Variants in MEGF11 observed in about 807,000 individuals in gnomAD.
MEGF11 encodes the protein multiple epidermal growth factor-like domains protein 11.
Under a neutral mutation model 146.6 loss-of-function variants are expected in MEGF11, and 126 were observed. That is an observed-to-expected ratio of 0.86 (90% CI 0.74 to 1.00). The LOEUF is 1.00. Among genes scored for constraint, MEGF11 ranks in the 50% least tolerant of loss-of-function variants. The pLI is 0.00. For synonymous variants in MEGF11, 532 were observed against 583.4 expected (o/e 0.91, Z 1.27); for missense variants, 1,509 against 1,521.2 (o/e 0.99, Z 0.13).
At chr15:65,926,993 CT>C (rs2079393467) in intron 13 of MEGF11, among the ~76,000 whole-genome samples, 1 of 152,182 alleles carries the variant, frequency 6.6e-6, no homozygotes, top group African/African-American at 2.4e-5. Context: ...TGCTTAGAAA[CT>C]TTCTGGTTAT....
At chr15:66,171,321 G>A (rs1188826056) in intron 1 of MEGF11, among the ~76,000 whole-genome samples, 1 of 152,228 alleles carries the variant, frequency 6.6e-6, no homozygotes, top group East Asian at 1.9e-4. Flanking sequence ...GGGACTGGGA[G>A]GAGAGCTAGG....
At chr15:65,908,142 G>T (rs1355241041) in intron 23 of MEGF11, among the ~76,000 whole-genome samples, 1 of 152,156 alleles carries the variant, frequency 6.6e-6, no homozygotes, top group East Asian at 1.9e-4. Context: ...ATAGGCCCAG[G>T]GTCCATGCAG....
In MEGF11 at chr15:65,942,044, C is replaced by A. The variant is rs558440095; in HGVS notation, c.1288-11101G>T. 3.3e-5 allele frequency among the ~76,000 whole-genome samples: 5 copies of A among 152,206 alleles called. No homozygotes were observed. In the South Asian group the frequency reaches 8.3e-4, roughly 25 times the overall value. On this transcript the variant is annotated intron_variant, in intron 10 of 25. Coordinates refer to ENST00000395614, the MANE Select transcript of MEGF11 (RefSeq NM_001385028.1). ...ATAACAGCCCTGCAGGGAGAGAATT[C>A]CCTTCCTAGAGAGAGAACTATCCTA... is the stretch of plus-strand genomic sequence containing the variant.
At chr15:65,973,327 A>G (rs944858165) in intron 7 of MEGF11, among the ~76,000 whole-genome samples, 2 of 152,222 alleles carry the variant, frequency 1.3e-5, no homozygotes, top group Non-Finnish European at 2.9e-5. Flanking sequence ...TTGCCTCAAA[A>G]ACAAAACAAA....
At chr15:66,118,447 G>A (rs2087843104) in intron 4 of MEGF11, among the ~76,000 whole-genome samples, 1 of 152,158 alleles carries the variant, frequency 6.6e-6, no homozygotes, top group Non-Finnish European at 1.5e-5. Context: ...GGGACACTAA[G>A]GCCTGCATTT....
chr15:66,073,137 A>G (rs68163174), intron 5 of MEGF11, among the ~76,000 whole-genome samples: 18,843 of 152,212 alleles, frequency 0.12, 1,191 homozygotes, highest in Middle Eastern at 0.17. Flanking sequence ...CTTCCTGTGC[A>G]GTGCACCCCC....
At chr15:66,099,404 C>T (rs531742343) in intron 4 of MEGF11, among the ~76,000 whole-genome samples, 120 of 152,090 alleles carry the variant, frequency 7.9e-4, no homozygotes, top group African/African-American at 2.4e-3. Context: ...AGGCTGGTCT[C>T]GAACTCCTGA....
intron 7 of MEGF11, among the ~76,000 whole-genome samples, chr15:65,972,383 T>C (rs908427469): frequency 3.9e-5 from 6 of 152,124 alleles, no homozygotes; most frequent in Non-Finnish European, 5.9e-5. Context: ...TATATCTCTG[T>C]GGATAAAGAA....
intron 1 of MEGF11, among the ~76,000 whole-genome samples, chr15:66,225,349 T>G (rs1161784370): frequency 6.6e-6 from 1 of 152,116 alleles, no homozygotes; most frequent in East Asian, 1.9e-4. Flanking sequence ...AGAGTGGCAA[T>G]AAAAACCAGC....
chr15:66,094,464 C>G lies in MEGF11; in HGVS notation c.332G>C (p.Arg111Pro). The change falls in exon 5 of 26, where the codon CGC becomes CCC. Residue 111 changes from arginine to proline, a missense_variant. Physicochemically the swap from Arg to Pro is moderately radical, Grantham distance 103. Transcript: ENST00000395614. ...GTGGCAGGTGTCCGGGGAAACGCAGCGGCCGTGCACACACTCCTCCGTACA... is the reference window on the plus strand; with the variant it reads ...GTGGCAGGTGTCCGGGGAAACGCAGGGGCCGTGCACACACTCCTCCGTACA... ...PLCTEECVHG[R>P]CVSPDTCHCE... The G allele has an allele frequency of 5.1e-6, 8 of 1,560,306 alleles. No homozygotes were observed. Among genetic ancestry groups the G allele is most frequent in the Non-Finnish European group, 6.1e-6 (7 of 1,152,032 alleles).
rs771125714 is a variant in MEGF11 at position 66,172,952 on chromosome 15, G to A, written c.-8-44541C>T. Among the ~76,000 whole-genome samples the A allele has an allele frequency of 6.5e-4, 99 of 152,126 alleles. 1 individual carries two copies. Among genetic ancestry groups the A allele is most frequent in the Admixed American group, 2.6e-4 (4 of 15,272 alleles). ...CGTCCCTTTTCTGTCCCTCCTGACCGCAGTATGCATCTCTTTGTATATGGG... is the reference window on the plus strand; with the variant it reads ...CGTCCCTTTTCTGTCCCTCCTGACCACAGTATGCATCTCTTTGTATATGGG... On this transcript the variant is annotated intron_variant, in intron 1 of 25. Coordinates refer to ENST00000395614, the MANE Select transcript of MEGF11 (RefSeq NM_001385028.1).
chr15:66,140,861 G>T (rs886364450), intron 1 of MEGF11, among the ~76,000 whole-genome samples: 3 of 152,162 alleles, frequency 2.0e-5, no homozygotes, highest in Non-Finnish European at 4.4e-5. Context: ...CGGGTATTGG[G>T]TACTAATGCC....
intron 5 of MEGF11, among the ~76,000 whole-genome samples, chr15:66,043,517 C>T (rs190608696): frequency 8.5e-5 from 13 of 152,226 alleles, no homozygotes; most frequent in African/African-American, 2.6e-4. Flanking sequence ...ATTATGCCCG[C>T]GTGATGTTGA....
intron 5 of MEGF11, among the ~76,000 whole-genome samples, chr15:66,039,848 C>CAGCCTTCT (rs1190455475): frequency 0.051 from 149 of 2,930 alleles, no homozygotes; most frequent in Admixed American, 0.078. Context: ...GGGTGACGGT[C>CAGCCTTCT]CTGAGCCGGG....
chr15:65,899,050 A>G (rs2078427856), intron 24 of MEGF11, 116 bp from the exon 25 acceptor site: 2 of 967,088 alleles, frequency 2.1e-6, no homozygotes, highest in Non-Finnish European at 3.0e-6. Context: ...TGGAAAAGCC[A>G]GGATAATCCA....
intron 5 of MEGF11, among the ~76,000 whole-genome samples, chr15:66,052,056 G>A (rs902707336): frequency 1.3e-5 from 2 of 152,204 alleles, no homozygotes; most frequent in African/African-American, 4.8e-5. Context: ...TGCATCATGA[G>A]GAGGCAACAG....
intron 5 of MEGF11, among the ~76,000 whole-genome samples, chr15:66,021,781 G>A (rs958919734): frequency 6.6e-6 from 1 of 152,236 alleles, no homozygotes; most frequent in Non-Finnish European, 1.5e-5. Flanking sequence ...ATGGGGAGGG[G>A]AGCCGAGAGA....
intron 13 of MEGF11, among the ~76,000 whole-genome samples, chr15:65,926,345 C>T (rs993603175): frequency 6.6e-6 from 1 of 152,218 alleles, no homozygotes; most frequent in Non-Finnish European, 1.5e-5. Flanking sequence ...GCCTCCCCCA[C>T]TTTAAGGGGA....
intron 4 of MEGF11, among the ~76,000 whole-genome samples, chr15:66,100,827 C>T (rs913345198): frequency 8.5e-6 from 1 of 117,668 alleles, no homozygotes; most frequent in African/African-American, 3.3e-5. Context: ...GGAGACGGCA[C>T]CTGAATGAGT....
Sources: allele counts gnomAD v4.1 joint callset (sites outside exome capture counted in the v4.1 genomes callset), GRCh38; gene constraint gnomAD v4.1.1; transcripts MANE v1.5; gene names NCBI Gene and HGNC (gene_info 2026-07-23, HGNC 2026-07-21).